The following PRKN variants were observed in gnomAD, a reference collection of about 807,000 sequenced individuals.
The protein encoded by PRKN is parkin RBR E3 ubiquitin protein ligase.
A neutral mutation model predicts 59.5 loss-of-function variants in PRKN; 56 were observed. The observed-to-expected ratio is 0.94, with a 90% CI of 0.76 to 1.18. The LOEUF is 1.18. PRKN is among the 50% of genes most tolerant of loss of function. The pLI is 0.00. For missense variants in PRKN, 657 were observed against 596.4 expected, an observed-to-expected ratio of 1.10 and a Z score of -1.06; for synonymous variants, 250 against 222.1, an observed-to-expected ratio of 1.13 and a Z score of -1.12.
At chr6:161,733,130 T>C (rs1707355242) in intron 7 of PRKN, among the ~76,000 whole-genome samples, 1 of 152,208 alleles carries the variant, frequency 6.6e-6, no homozygotes, top group Non-Finnish European at 1.5e-5. Flanking sequence ...ATCAGAAAGA[T>C]ATCAAACAGT....
At chr6:161,783,452 C>G (rs1045487024) in intron 7 of PRKN, among the ~76,000 whole-genome samples, 1 of 152,000 alleles carries the variant, frequency 6.6e-6, no homozygotes, top group African/African-American at 2.4e-5. Flanking sequence ...CAAGAAAGGT[C>G]GAGAGCACCT....
chr6:162,208,071 T>C (rs900485537), intron 3 of PRKN, among the ~76,000 whole-genome samples: 2 of 152,208 alleles, frequency 1.3e-5, no homozygotes, highest in Non-Finnish European at 1.5e-5. Context: ...AAAAAATGTT[T>C]ATATAGGACT....
intron 1 of PRKN, among the ~76,000 whole-genome samples, chr6:162,619,389 G>A (rs963175115): frequency 1.4e-4 from 21 of 150,888 alleles, no homozygotes; most frequent in Admixed American, 1.3e-3. Context: ...CTCGCAATCC[G>A]CCCGCCTCGG....
intron 7 of PRKN, among the ~76,000 whole-genome samples, chr6:161,741,060 T>A (rs893897591): frequency 6.6e-6 from 1 of 152,222 alleles, no homozygotes; most frequent in African/African-American, 2.4e-5. Flanking sequence ...GAAACACATT[T>A]GCTAGTGTGT....
At chr6:162,253,191 A>G (rs1232248990) in intron 3 of PRKN, among the ~76,000 whole-genome samples, 1 of 152,212 alleles carries the variant, frequency 6.6e-6, no homozygotes, top group East Asian at 1.9e-4. Context: ...CGAAATGGTA[A>G]TTGAAAGAGA....
chr6:161,542,091 T>C (rs1200953432), intron 9 of PRKN, among the ~76,000 whole-genome samples: 1 of 152,184 alleles, frequency 6.6e-6, no homozygotes, highest in African/African-American at 2.4e-5. Flanking sequence ...GTGAAGGCCT[T>C]TATGGCGATC....
rs1368843794 is a variant in PRKN, at chr6:161,429,848, G to A, written c.1084-42971C>T. Among the ~76,000 whole-genome samples, 3 of 152,130 alleles carry A rather than the reference G, an allele frequency of 2.0e-5. No individual in the cohort carries two copies. The East Asian group carries it at 5.8e-4, about 29-fold the overall frequency. On this transcript the variant is annotated intron_variant, in intron 9 of 11. Coordinates refer to ENST00000366898, the MANE Select transcript of PRKN (RefSeq NM_004562.3). This position sits in a 1 kb window ranked among gnomAD's most constrained non-coding sequence, Gnocchi z 4.2. ...AAGACTTCATTTTAATTCTTGTCAG[G>A]AACTGTGAAGGATCCAAGATTTTGC... is the stretch of plus-strand genomic sequence containing the variant.
At chr6:162,615,532 G>C (rs1352564035) in intron 1 of PRKN, among the ~76,000 whole-genome samples, 3 of 152,050 alleles carry the variant, frequency 2.0e-5, no homozygotes, top group Non-Finnish European at 4.4e-5. Context: ...AGCACAGAAG[G>C]TCTCTGATGC....
chr6:162,008,208 C>T (rs75426044), intron 5 of PRKN, among the ~76,000 whole-genome samples: 11,527 of 152,152 alleles, frequency 0.076, 499 homozygotes, highest in Middle Eastern at 0.11. Flanking sequence ...GAAAGATGCA[C>T]ATATATGTGT....
At chr6:162,547,536 C>T (rs1450900010) in intron 1 of PRKN, among the ~76,000 whole-genome samples, 1 of 151,826 alleles carries the variant, frequency 6.6e-6, no homozygotes, top group Non-Finnish European at 1.5e-5. Context: ...ATAAATGAAG[C>T]CCAGATAAAT....
At chr6:162,107,995 C>T (rs986539996) in intron 4 of PRKN, among the ~76,000 whole-genome samples, 1 of 152,194 alleles carries the variant, frequency 6.6e-6, no homozygotes, top group Admixed American at 6.5e-5. Flanking sequence ...ATTTAATATA[C>T]ACTATGCACT....
intron 7 of PRKN, among the ~76,000 whole-genome samples, chr6:161,730,141 GATTCTTTCTGATGTGTTGC>G (rs1431002622): frequency 2.7e-5 from 4 of 145,664 alleles, no homozygotes; most frequent in East Asian, 4.2e-4. Flanking sequence ...TGATGTGTTG[GATTCTTTCTGATGTGTTGC>G]ATTCTTTCTG....
chr6:162,530,525 A>G (rs1010155693), intron 1 of PRKN, among the ~76,000 whole-genome samples: 5 of 152,130 alleles, frequency 3.3e-5, no homozygotes, highest in African/African-American at 1.2e-4. Flanking sequence ...GTGAATATTT[A>G]AATCTCCAGT....
intron 2 of PRKN, among the ~76,000 whole-genome samples, chr6:162,408,023 A>C (rs2128153181): frequency 6.6e-6 from 1 of 152,222 alleles, no homozygotes; most frequent in Non-Finnish European, 1.5e-5. Flanking sequence ...ATAATAAATT[A>C]GCCACTATGA....
chr6:162,575,903 C>A (rs948881386), intron 1 of PRKN, among the ~76,000 whole-genome samples: 1 of 152,164 alleles, frequency 6.6e-6, no homozygotes, highest in Middle Eastern at 3.2e-3. Flanking sequence ...TTGCAACAGT[C>A]CCCCAGCAGC....
intron 7 of PRKN, among the ~76,000 whole-genome samples, chr6:161,587,856 T>C (rs1178593158): frequency 1.3e-5 from 2 of 152,138 alleles, no homozygotes; most frequent in Non-Finnish European, 2.9e-5. Flanking sequence ...ATTCTGAGCA[T>C]TGGATTCTAG....
At chr6:162,129,031 C>T (rs1781237848) in intron 4 of PRKN, among the ~76,000 whole-genome samples, 2 of 152,162 alleles carry the variant, frequency 1.3e-5, no homozygotes, top group South Asian at 4.1e-4. Context: ...AAAATGTACA[C>T]TCAACCAACA....
At chr6:161,495,784 A>T (rs776419440) in intron 9 of PRKN, among the ~76,000 whole-genome samples, 7 of 151,900 alleles carry the variant, frequency 4.6e-5, no homozygotes, top group Non-Finnish European at 8.8e-5. Flanking sequence ...ATTTACTTTC[A>T]TCATTTCTAG....
chr6:161,875,179 A>G (rs1346940731), intron 6 of PRKN, among the ~76,000 whole-genome samples: 2 of 138,484 alleles, frequency 1.4e-5, no homozygotes, highest in African/African-American at 2.9e-5. Flanking sequence ...TATAAAATAT[A>G]TGTGTGTGTG....
Sources: gnomAD v4.1 joint callset for allele counts (sites outside exome capture counted in the v4.1 genomes callset) on GRCh38, gnomAD v4.1.1 for gene constraint, Gnocchi (gnomAD v3.1) non-coding constraint, MANE v1.5 for transcripts, NCBI Gene and HGNC (gene_info 2026-07-23, HGNC 2026-07-21) for gene names.